Variants in GLCE observed in about 807,000 individuals in gnomAD.
GLCE encodes the protein glucuronic acid epimerase, also known as D-glucuronyl C5-epimerase.
Under a neutral mutation model 47.9 loss-of-function variants are expected in GLCE, and 19 were observed. That is an observed-to-expected ratio of 0.40 (90% CI 0.28 to 0.58). The LOEUF (loss-of-function observed/expected upper bound fraction) is 0.58. GLCE is among the 20% of genes least tolerant of loss of function. GLCE has a pLI of 0.48. For synonymous variants in GLCE, 245 were observed against 263.4 expected, an observed-to-expected ratio of 0.93 and a Z score of 0.68; for missense variants, 556 against 743.3, an observed-to-expected ratio of 0.75 and a Z score of 2.93.
Position 69,268,610 on chromosome 15 carries a change from C to T in GLCE, c.1220C>T (p.Ala407Val). Reference sequence around the variant, plus strand: ...ACAGCCCACATGGCTGCATTTTTTGCTGCTAGTGATTGGCTAGTAAGGAAC... The same window carrying T: ...ACAGCCCACATGGCTGCATTTTTTGTTGCTAGTGATTGGCTAGTAAGGAAC... ...STTAHMAAFF[A>V]ASDWLVRNQD... Residue 407 changes from alanine to valine, a missense_variant, in exon 5 of 5, where the codon GCT becomes GTT. Around this residue, in one of 3 missense-constraint regions of GLCE, gnomAD observed 245 missense variants for 368.1 expected, o/e 0.67. Coordinates refer to ENST00000261858, the MANE Select transcript of GLCE (RefSeq NM_015554.3). The T allele has an allele frequency of 1.2e-6, 2 of 1,614,166 alleles. No individual in the cohort carries two copies. Among genetic ancestry groups the T allele is most frequent in the African/African-American group, 1.3e-5 (1 of 75,050 alleles).
At chr15:69,232,692 T>C (rs2052541944) in intron 2 of GLCE, among the ~76,000 whole-genome samples, 1 of 152,180 alleles carries the variant, frequency 6.6e-6, no homozygotes, top group African/African-American at 2.4e-5. Flanking sequence ...GTGTTTAGAA[T>C]AGCAGAGTAG....
chr15:69,229,105 C>T (rs1399141895), intron 2 of GLCE, among the ~76,000 whole-genome samples: 1 of 152,142 alleles, frequency 6.6e-6, no homozygotes, highest in East Asian at 1.9e-4. Context: ...ATGCTAATAT[C>T]AGGCAAAGTA....
chr15:69,185,838 G>A (rs148321972), intron 1 of GLCE, among the ~76,000 whole-genome samples: 272 of 152,052 alleles, frequency 1.8e-3, no homozygotes, highest in Non-Finnish European at 3.0e-3. Context: ...TCACAAGTCC[G>A]GGCCACCCCA....
intron 1 of GLCE, among the ~76,000 whole-genome samples, chr15:69,161,321 G>C (rs1044307695): frequency 5.3e-5 from 8 of 152,022 alleles, no homozygotes; most frequent in South Asian, 4.2e-4. Flanking sequence ...TGGGGAGAGG[G>C]GTCTGTTCAT....
intron 1 of GLCE, among the ~76,000 whole-genome samples, chr15:69,162,053 C>T (rs1284061394): frequency 6.6e-6 from 1 of 152,162 alleles, no homozygotes; most frequent in African/African-American, 2.4e-5. Context: ...TCTTTCTGTC[C>T]TTTGAAAAGC....
At chr15:69,197,976 GT>G (rs1272548638) in intron 1 of GLCE, among the ~76,000 whole-genome samples, 1 of 152,120 alleles carries the variant, frequency 6.6e-6, no homozygotes, top group African/African-American at 2.4e-5. Context: ...ATTACCTTTA[GT>G]TTTCCAAAGT....
chr15:69,172,503 T>C (rs1026939512), intron 1 of GLCE, among the ~76,000 whole-genome samples: 2 of 152,228 alleles, frequency 1.3e-5, no homozygotes, highest in African/African-American at 4.8e-5. Flanking sequence ...TGCTGGGCAC[T>C]GGATTAAATG....
chr15:69,261,184 G>A lies in GLCE; in HGVS notation c.684G>A (p.Glu228=). Residue 228 remains glutamate (E), a synonymous_variant, in exon 4 of 5, where the codon GAG becomes GAA. Coordinates refer to ENST00000261858, the MANE Select transcript of GLCE (RefSeq NM_015554.3). ...GLSHYSKNLT[E]KPPHIEVYET... ...GTCATTACAGCAAGAATCTAACTGAGAAACCTCCTCACATAGAGGTATATG... is the reference window on the plus strand; with the variant it reads ...GTCATTACAGCAAGAATCTAACTGAAAAACCTCCTCACATAGAGGTATATG... The A allele has an allele frequency of 6.2e-7, 1 of 1,614,074 alleles. No individual in the cohort carries two copies.
chr15:69,169,869 T>G (rs895836061), intron 1 of GLCE, among the ~76,000 whole-genome samples: 1 of 152,176 alleles, frequency 6.6e-6, no homozygotes, highest in Non-Finnish European at 1.5e-5. Flanking sequence ...CACACATAAT[T>G]CTTAAGCTCA....
chr15:69,228,614 A>T (rs1001236995), intron 2 of GLCE, among the ~76,000 whole-genome samples: 2 of 152,238 alleles, frequency 1.3e-5, no homozygotes, highest in Non-Finnish European at 2.9e-5. Flanking sequence ...AATTTAAAAT[A>T]TATTAATGAC....
At position 69,270,208 on chromosome 15, in the gene GLCE, A is replaced by G. The variant is rs377051390; in HGVS notation, c.*964A>G. On this transcript the variant is annotated 3_prime_UTR_variant, in exon 5 of 5. Transcript: ENST00000261858. ...AGGATTTTTCCCCCTTTAAATAAAAATATTAGATCAAATACTATATGCAAG... is the reference window on the plus strand; with the variant it reads ...AGGATTTTTCCCCCTTTAAATAAAAGTATTAGATCAAATACTATATGCAAG... 8.5e-5 allele frequency: 13 copies of G among 152,298 alleles called. No homozygotes were observed. The South Asian group carries it at 2.7e-3, about 32-fold the overall frequency. The allele number at this position is 152,298 out of a possible 1,614,324, so 9.4% of individuals were successfully genotyped here. A position where few individuals can be genotyped will look rare whatever the true frequency, so the allele number is the denominator to read the frequency against.
At chr15:69,225,095 A>G (rs911712181) in intron 2 of GLCE, among the ~76,000 whole-genome samples, 1 of 152,212 alleles carries the variant, frequency 6.6e-6, no homozygotes, top group African/African-American at 2.4e-5. Flanking sequence ...ACATATACCC[A>G]TAGTGATATA....
chr15:69,201,682 G>C (rs1471404688), intron 1 of GLCE, among the ~76,000 whole-genome samples: 1 of 149,474 alleles, frequency 6.7e-6, no homozygotes, highest in African/African-American at 2.5e-5. Context: ...TTTGCATTGA[G>C]TTAGAAACCT....
rs989326942 is a variant in GLCE at position 69,268,845 on chromosome 15, A to T, written c.1455A>T (p.Gly485=). The T allele has an allele frequency of 6.2e-7, 1 of 1,614,028 alleles. No homozygotes were observed. Among genetic ancestry groups the T allele is most frequent in the African/African-American group, 1.3e-5 (1 of 74,920 alleles). ...APYKFLSEQH[G]VKAVFMNKHD... ...ATAAGTTTCTATCTGAGCAGCATGGAGTTAAAGCTGTGTTTATGAATAAAC... is the reference window on the plus strand; with the variant it reads ...ATAAGTTTCTATCTGAGCAGCATGGTGTTAAAGCTGTGTTTATGAATAAAC... Residue 485 remains glycine, a synonymous_variant, in exon 5 of 5, where the codon GGA becomes GGT. Transcript: ENST00000261858.
At position 69,172,088 on chromosome 15, in the gene GLCE, A is replaced by G. The variant is rs149405224; in HGVS notation, c.-105+11331A>G. Among the ~76,000 whole-genome samples the G allele has an allele frequency of 5.1e-4, 77 of 152,310 alleles. 1 individual carries two copies. The highest frequency in any genetic ancestry group is 1.8e-3 in the African/African-American group (74 of 41,566). On this transcript the variant is annotated intron_variant, in intron 1 of 4. Coordinates refer to ENST00000261858, the MANE Select transcript of GLCE (RefSeq NM_015554.3). Reference sequence around the variant, plus strand: ...TTCACATCTTATATAATCATGTTATATTGATCAAAACTAAGAAATTCATAC... The same window carrying G: ...TTCACATCTTATATAATCATGTTATGTTGATCAAAACTAAGAAATTCATAC...
intron 1 of GLCE, among the ~76,000 whole-genome samples, chr15:69,205,600 A>G (rs996887751): frequency 6.6e-6 from 1 of 152,064 alleles, no homozygotes; most frequent in African/African-American, 2.4e-5. Flanking sequence ...TCCACTTTGT[A>G]TTTCCATCAG....
chr15:69,162,209 A>C (rs185235943), intron 1 of GLCE, among the ~76,000 whole-genome samples: 1 of 152,234 alleles, frequency 6.6e-6, no homozygotes, highest in East Asian at 1.9e-4. Flanking sequence ...TAACAGTTTC[A>C]TTGTATTGTA....
chr15:69,184,376 T>TA (rs1167888752), intron 1 of GLCE, among the ~76,000 whole-genome samples: 1 of 152,186 alleles, frequency 6.6e-6, no homozygotes, highest in African/African-American at 2.4e-5. Flanking sequence ...ATATTAATTA[T>TA]AAAAAATAAG....
At chr15:69,251,733 G>C (rs571029129) in intron 2 of GLCE, among the ~76,000 whole-genome samples, 138 of 152,140 alleles carry the variant, frequency 9.1e-4, no homozygotes, top group African/African-American at 3.2e-3. Context: ...TTGCAGATTC[G>C]TGGATTTTTA....
Sources: gnomAD v4.1 joint callset for allele counts (sites outside exome capture counted in the v4.1 genomes callset) on GRCh38, gnomAD v4.1.1 for gene constraint, gnomAD v4.1.1 regional missense constraint, MANE v1.5 for transcripts, NCBI Gene and HGNC (gene_info 2026-07-23, HGNC 2026-07-21) for gene names.